Variants in AUTS2 observed in about 807,000 individuals in gnomAD.
The protein encoded by AUTS2 is autism susceptibility gene 2 protein.
In AUTS2, 17 loss-of-function variants were observed where a neutral mutation model predicts 112.4. That is an observed-to-expected ratio of 0.15 (90% confidence interval 0.10 to 0.23). The LOEUF is 0.23. AUTS2 is among the 10% of genes least tolerant of loss of function. AUTS2 has a pLI of 1.00. For synonymous variants in AUTS2, 751 were observed against 702.7 expected (o/e 1.07, Z -1.09); for missense variants, 1,510 against 1,701.6 (o/e 0.89, Z 1.98).
chr7:70,584,179 A>G (rs1482322241), intron 5 of AUTS2, among the ~76,000 whole-genome samples: 1 of 152,212 alleles, frequency 6.6e-6, no homozygotes. Context: ...CCTGTAGCAT[A>G]AATGTAGACA....
chr7:69,804,040 A>T (rs913961177), intron 1 of AUTS2, among the ~76,000 whole-genome samples: 39 of 152,064 alleles, frequency 2.6e-4, no homozygotes, highest in African/African-American at 7.0e-4. Context: ...CTCAAAGAAA[A>T]TTTTTTTTCA....
intron 2 of AUTS2, among the ~76,000 whole-genome samples, chr7:70,036,113 C>T (rs557162268): frequency 1.3e-5 from 2 of 152,278 alleles, no homozygotes; most frequent in East Asian, 1.9e-4. Flanking sequence ...AAGGTAGCGG[C>T]GCCGGCCAGA....
At chr7:69,698,983 T>C (rs1310824399) in intron 1 of AUTS2, among the ~76,000 whole-genome samples, 1 of 152,192 alleles carries the variant, frequency 6.6e-6, no homozygotes, top group African/African-American at 2.4e-5. Context: ...GTTTACATTC[T>C]CCTGTTTATG....
chr7:70,222,456 A>C (rs1203869508), intron 4 of AUTS2, among the ~76,000 whole-genome samples: 1 of 152,230 alleles, frequency 6.6e-6, no homozygotes, highest in Non-Finnish European at 1.5e-5. Context: ...TGGAGAATTT[A>C]AGGACTATTT....
intron 1 of AUTS2, among the ~76,000 whole-genome samples, chr7:69,805,130 T>G (rs917788587): frequency 6.6e-6 from 1 of 152,238 alleles, no homozygotes; most frequent in Non-Finnish European, 1.5e-5. Flanking sequence ...ACTGTGGCAG[T>G]GTTTATAGTC....
intron 1 of AUTS2, among the ~76,000 whole-genome samples, chr7:69,695,923 C>T (rs1242395569): frequency 6.6e-6 from 1 of 152,190 alleles, no homozygotes; most frequent in Non-Finnish European, 1.5e-5. Flanking sequence ...CTTCTTGACA[C>T]TCAAGAAATG....
At chr7:69,734,341 C>T (rs947358748) in intron 1 of AUTS2, among the ~76,000 whole-genome samples, 1 of 148,488 alleles carries the variant, frequency 6.7e-6, no homozygotes, top group Non-Finnish European at 1.5e-5. Context: ...CTCTTTGTTC[C>T]TCTTTAGTTT....
At chr7:70,208,045 A>G (rs935442347) in intron 4 of AUTS2, among the ~76,000 whole-genome samples, 1 of 151,304 alleles carries the variant, frequency 6.6e-6, no homozygotes, top group Admixed American at 6.6e-5. Context: ...CCAACAAAAA[A>G]TTATCTTTAT....
At chr7:70,554,422 G>A (rs1412262071) in intron 5 of AUTS2, among the ~76,000 whole-genome samples, 2 of 139,868 alleles carry the variant, frequency 1.4e-5, no homozygotes, top group Non-Finnish European at 3.0e-5. Flanking sequence ...TTGAAACGAG[G>A]TCATGCATGC....
At chr7:70,474,915 G>T (rs1478024187) in intron 5 of AUTS2, among the ~76,000 whole-genome samples, 1 of 152,154 alleles carries the variant, frequency 6.6e-6, no homozygotes, top group Non-Finnish European at 1.5e-5. Context: ...ACTCCTTTGG[G>T]GAGATCTGGG....
intron 5 of AUTS2, among the ~76,000 whole-genome samples, chr7:70,470,904 T>G (rs1009525879): frequency 3.9e-5 from 6 of 152,116 alleles, no homozygotes; most frequent in African/African-American, 1.4e-4. Flanking sequence ...GGCAGTGTGT[T>G]TCAGCCTGCG....
chr7:69,709,046 T>C (rs1798187595), intron 1 of AUTS2, among the ~76,000 whole-genome samples: 1 of 152,208 alleles, frequency 6.6e-6, no homozygotes, highest in South Asian at 2.1e-4. Flanking sequence ...AGTACTTGTT[T>C]CCTTGTTGAG....
At chr7:70,597,863 T>C (rs1803281838) in intron 5 of AUTS2, among the ~76,000 whole-genome samples, 1 of 152,170 alleles carries the variant, frequency 6.6e-6, no homozygotes, top group African/African-American at 2.4e-5. Flanking sequence ...CTTGACTTCT[T>C]TTTCTTGCTT....
At chr7:69,745,040 TC>T (rs1475573524) in intron 1 of AUTS2, among the ~76,000 whole-genome samples, 1 of 152,152 alleles carries the variant, frequency 6.6e-6, no homozygotes, top group Non-Finnish European at 1.5e-5. Context: ...GAGGCCTAGT[TC>T]TTAAACATCT....
chr7:69,816,852 A>G (rs1326051168), intron 1 of AUTS2, among the ~76,000 whole-genome samples: 6 of 152,126 alleles, frequency 3.9e-5, no homozygotes, highest in Admixed American at 3.3e-4. Flanking sequence ...TACTGCAGCT[A>G]CTTACCTGCT....
chr7:69,976,955 T>C (rs1400722014), intron 2 of AUTS2, among the ~76,000 whole-genome samples: 2 of 152,216 alleles, frequency 1.3e-5, no homozygotes, highest in African/African-American at 4.8e-5. Flanking sequence ...TGTAGTTCCA[T>C]CTGTCTGTTT....
At chr7:70,232,263 T>C (rs181302468) in intron 4 of AUTS2, among the ~76,000 whole-genome samples, 4 of 152,332 alleles carry the variant, frequency 2.6e-5, no homozygotes, top group Admixed American at 2.6e-4. Context: ...TTCCTTATTG[T>C]GGGACATTTG....
intron 4 of AUTS2, among the ~76,000 whole-genome samples, chr7:70,411,649 A>T (rs1001098635): frequency 2.0e-5 from 3 of 152,224 alleles, no homozygotes; most frequent in Admixed American, 6.5e-5. Flanking sequence ...ACCAAAAATA[A>T]TATAGATACT....
At chr7:70,787,618 G>A (rs959480815) in intron 18 of AUTS2, among the ~76,000 whole-genome samples, 187 bp downstream of exon 18, 6 of 152,094 alleles carry the variant, frequency 3.9e-5, no homozygotes, top group South Asian at 2.1e-4. Flanking sequence ...TATGGTGACC[G>A]TAGGAGATAG....
Sources: allele counts gnomAD v4.1 joint callset (sites outside exome capture counted in the v4.1 genomes callset), GRCh38; gene constraint gnomAD v4.1.1; transcripts MANE v1.5; gene names NCBI Gene and HGNC (gene_info 2026-07-23, HGNC 2026-07-21).